The following FSD1L variants were observed in gnomAD, a reference collection of about 807,000 sequenced individuals.
FSD1L encodes the protein FSD1-like protein.
FSD1L carries 45 observed loss-of-function variants against 71.6 expected under a neutral mutation model. The ratio of observed to expected loss-of-function variants is 0.63; its 90% confidence interval spans 0.49 to 0.81. The LOEUF is 0.81. Ranked by LOEUF, FSD1L falls within the 30% of genes least tolerant of loss-of-function variation. FSD1L has a pLI of 0.00. For synonymous variants in FSD1L, 197 were observed against 207.2 expected (o/e 0.95, Z 0.42); for missense variants, 561 against 618.1 (o/e 0.91, Z 0.98).
chr9:105,524,805 G>A (rs897484370), intron 10 of FSD1L: 2 of 1,590,558 alleles, frequency 1.3e-6, no homozygotes, highest in Non-Finnish European at 1.7e-6. Context: ...AAATCACCTG[G>A]GCCATTATCC....
intron 10 of FSD1L, among the ~76,000 whole-genome samples, chr9:105,532,636 T>C (rs1835967703): frequency 6.6e-6 from 1 of 152,210 alleles, no homozygotes; most frequent in Admixed American, 6.5e-5. Flanking sequence ...TTAGCACAAG[T>C]TTCACAGAAA....
At chr9:105,475,922 T>C (rs920857533) in intron 5 of FSD1L, among the ~76,000 whole-genome samples, 3 of 152,190 alleles carry the variant, frequency 2.0e-5, no homozygotes, top group Non-Finnish European at 2.9e-5. Flanking sequence ...TCTTTTTTTT[T>C]CCAAAGACAT....
chr9:105,442,595 C>G, the FSD1L span, among the ~76,000 whole-genome samples: 74,649 of 151,424 alleles, frequency 0.49, 21,063 homozygotes, highest in African/African-American at 0.76. Context: ...GGCTGAGGTG[C>G]GAGGATGGCT....
intron 10 of FSD1L, chr9:105,521,063 G>T: frequency 1.9e-6 from 3 of 1,613,242 alleles, no homozygotes; most frequent in East Asian, 4.5e-5. Flanking sequence ...TTGACATCCC[G>T]CAGATGAGAC....
intron 7 of FSD1L, among the ~76,000 whole-genome samples, chr9:105,491,518 A>C (rs1832937489): frequency 6.6e-6 from 1 of 152,186 alleles, no homozygotes; most frequent in Non-Finnish European, 1.5e-5. Context: ...TGCCCTGATC[A>C]GAACTTCCAA....
chr9:105,468,155 C>A (rs113385491), intron 3 of FSD1L, 38 bp from the exon 4 acceptor site: 12 of 1,321,782 alleles, frequency 9.1e-6, no homozygotes, highest in Non-Finnish European at 1.2e-5. Flanking sequence ...TGTTTGATAG[C>A]GCTTCAGTAA....
intron 10 of FSD1L, chr9:105,524,929 T>C: frequency 6.2e-7 from 1 of 1,613,956 alleles, no homozygotes; most frequent in East Asian, 2.2e-5. Flanking sequence ...AATATCCAGT[T>C]CTTTGTGTTA....
chr9:105,448,772 T>A (rs1829798043), intron 1 of FSD1L, among the ~76,000 whole-genome samples: 1 of 152,162 alleles, frequency 6.6e-6, no homozygotes, highest in Non-Finnish European at 1.5e-5. Context: ...TAGATCTTAG[T>A]GTTTAGTGTT....
At chr9:105,446,785 C>T (rs7037141), upstream of FSD1L, among the ~76,000 whole-genome samples, 18,452 of 150,604 alleles carry the variant, frequency 0.12, 1,523 homozygotes, top group East Asian at 0.47. Flanking sequence ...TTGCCCACTA[C>T]TGAATTTTGT....
chr9:105,516,224 G>A (rs942662320), intron 10 of FSD1L, among the ~76,000 whole-genome samples: 8 of 152,142 alleles, frequency 5.3e-5, no homozygotes, highest in African/African-American at 1.9e-4. Context: ...CTATCTCCCT[G>A]GGACAGAGCC....
chr9:105,508,179 T>C (rs959224260), intron 8 of FSD1L, among the ~76,000 whole-genome samples: 5 of 145,220 alleles, frequency 3.4e-5, no homozygotes, highest in African/African-American at 1.3e-4. Flanking sequence ...TCACTCTTTT[T>C]TTTTTTTTTT....
chr9:105,521,315 T>C (rs1316630150), intron 10 of FSD1L: 3 of 1,614,056 alleles, frequency 1.9e-6, no homozygotes, highest in African/African-American at 1.3e-5. Flanking sequence ...ATGATAATGC[T>C]GATAAAGCAG....
intron 7 of FSD1L, among the ~76,000 whole-genome samples, chr9:105,489,724 C>A (rs988294529): frequency 1.4e-4 from 21 of 152,220 alleles, no homozygotes; most frequent in Non-Finnish European, 2.2e-4. Flanking sequence ...TCTCATTGTT[C>A]AATTCCCACC....
chr9:105,533,416 C>CATTTTTTTTTTTTTTTT (rs1836032620), intron 10 of FSD1L, among the ~76,000 whole-genome samples: 3 of 29,070 alleles, frequency 1.0e-4, no homozygotes, highest in Non-Finnish European at 1.8e-4. Flanking sequence ...CCATTTCCAT[C>CATTTTTTTTTTTTTTTT]TTTTTTTTTT....
chr9:105,479,201 T>C (rs1428226208), intron 5 of FSD1L, among the ~76,000 whole-genome samples, 153 bp from the exon 6 acceptor site: 1 of 152,230 alleles, frequency 6.6e-6, no homozygotes, highest in African/African-American at 2.4e-5. Context: ...ATGTGAACTA[T>C]ACACATAAAT....
intron 7 of FSD1L, 99 bp from the exon 8 acceptor site, chr9:105,506,300 G>T: frequency 1.1e-6 from 1 of 906,980 alleles, no homozygotes; most frequent in South Asian, 1.7e-5. Context: ...AAAGCATAAT[G>T]AAAAAGCAGT....
At chr9:105,517,711 A>G (rs1834822154) in intron 10 of FSD1L, among the ~76,000 whole-genome samples, 1 of 152,228 alleles carries the variant, frequency 6.6e-6, no homozygotes, top group African/African-American at 2.4e-5. Flanking sequence ...AAAACATACC[A>G]AATTGTAAAG....
chr9:105,510,796 T>C (rs941520481), intron 9 of FSD1L, among the ~76,000 whole-genome samples: 1 of 152,150 alleles, frequency 6.6e-6, no homozygotes, highest in African/African-American at 2.4e-5. Context: ...TCTCCAACTT[T>C]AATTGATAGC....
chr9:105,465,998 A>G (rs1274804311), intron 3 of FSD1L, among the ~76,000 whole-genome samples: 1 of 140,382 alleles, frequency 7.1e-6, no homozygotes, highest in Non-Finnish European at 1.6e-5. Flanking sequence ...CAGTCTTTAG[A>G]AGACTCTAAA....
Sources: gnomAD v4.1 joint callset for allele counts (sites outside exome capture counted in the v4.1 genomes callset) on GRCh38, gnomAD v4.1.1 for gene constraint, MANE v1.5 for transcripts, NCBI Gene and HGNC (gene_info 2026-07-23, HGNC 2026-07-21) for gene names.